The following PRORP variants were observed in gnomAD, a reference collection of about 807,000 sequenced individuals.
PRORP encodes the protein mitochondrial ribonuclease P catalytic subunit.
Under a neutral mutation model 59.4 loss-of-function variants are expected in PRORP, and 51 were observed. The observed-to-expected ratio is 0.86, with a 90% CI of 0.69 to 1.08. The LOEUF is 1.08. PRORP is among the 50% of genes least tolerant of loss of function. The pLI is 0.00. For synonymous variants in PRORP, 231 were observed against 245.6 expected, an observed-to-expected ratio of 0.94 and a Z score of 0.55; for missense variants, 646 against 690.3, an observed-to-expected ratio of 0.94 and a Z score of 0.72.
intron 5 of PRORP, among the ~76,000 whole-genome samples, chr14:35,240,534 C>G (rs1210438989): frequency 6.6e-6 from 1 of 152,108 alleles, no homozygotes; most frequent in Non-Finnish European, 1.5e-5. Flanking sequence ...TGAAAAGAAC[C>G]AACATTTAGT....
At chr14:35,270,850 G>A (rs1010868828) in intron 7 of PRORP, among the ~76,000 whole-genome samples, 6 of 152,108 alleles carry the variant, frequency 3.9e-5, no homozygotes, top group African/African-American at 1.4e-4. Context: ...TTGGGAGGCC[G>A]AGGTGGGCAA....
chr14:35,169,988 C>T (rs7156139), intron 4 of PRORP, among the ~76,000 whole-genome samples: 1,878 of 152,290 alleles, frequency 0.012, 39 homozygotes, highest in African/African-American at 0.042. Flanking sequence ...CCTTTATCCA[C>T]ATCTTGAAGC....
At chr14:35,130,616 T>C (rs570938553) in intron 4 of PRORP, among the ~76,000 whole-genome samples, 1 of 151,804 alleles carries the variant, frequency 6.6e-6, no homozygotes, top group Non-Finnish European at 1.5e-5. Context: ...CCCAAGTAGC[T>C]AGGATTACAG....
At chr14:35,207,266 A>T (rs2049318625) in intron 5 of PRORP, among the ~76,000 whole-genome samples, 1 of 152,234 alleles carries the variant, frequency 6.6e-6, no homozygotes, top group Admixed American at 6.5e-5. Flanking sequence ...TACTCTCAAA[A>T]TTCAGTTCTT....
At chr14:35,250,588 A>G (rs1319894772) in intron 5 of PRORP, among the ~76,000 whole-genome samples, 1 of 152,182 alleles carries the variant, frequency 6.6e-6, no homozygotes, top group Non-Finnish European at 1.5e-5. Context: ...GGCTCAGATA[A>G]AGTGGAGCTT....
At chr14:35,129,218 A>AT (rs1341422570) in intron 4 of PRORP, among the ~76,000 whole-genome samples, 1 of 152,044 alleles carries the variant, frequency 6.6e-6, no homozygotes, top group Non-Finnish European at 1.5e-5. Context: ...CAAAAAAAAA[A>AT]GATGCATATT....
intron 5 of PRORP, chr14:35,262,973 C>T (rs1269941216): frequency 1.3e-6 from 2 of 1,598,768 alleles, no homozygotes; most frequent in East Asian, 2.2e-5. Flanking sequence ...ACAAGGATAT[C>T]AGGAAATTTT....
At chr14:35,262,705 G>A in intron 5 of PRORP, 1 of 820,190 alleles carries the variant, frequency 1.2e-6, no homozygotes, top group South Asian at 1.3e-5. Context: ...ATGATCAAGG[G>A]TGTTACACTG....
chr14:35,218,768 C>T (rs771577041), intron 5 of PRORP, among the ~76,000 whole-genome samples: 4 of 151,878 alleles, frequency 2.6e-5, no homozygotes, highest in South Asian at 2.1e-4. Flanking sequence ...TCAAGTGATC[C>T]GCCCACCTTC....
At chr14:35,178,759 A>T (rs371366843) in intron 4 of PRORP, among the ~76,000 whole-genome samples, 12 of 131,040 alleles carry the variant, frequency 9.2e-5, no homozygotes, top group African/African-American at 3.4e-4. Flanking sequence ...GGTTAATATT[A>T]TGTGTGAATT....
At chr14:35,196,586 A>G (rs1015224722) in intron 5 of PRORP, among the ~76,000 whole-genome samples, 1 of 152,206 alleles carries the variant, frequency 6.6e-6, no homozygotes, top group African/African-American at 2.4e-5. Context: ...GTCAAGGGTG[A>G]TATAAGTGAC....
intron 5 of PRORP, among the ~76,000 whole-genome samples, chr14:35,220,664 A>G (rs1310444626): frequency 1.3e-5 from 2 of 152,250 alleles, no homozygotes; most frequent in African/African-American, 4.8e-5. Flanking sequence ...AGCCATTCAG[A>G]TGAAGACAAC....
chr14:35,180,938 A>G (rs575103732), intron 5 of PRORP, among the ~76,000 whole-genome samples, 161 bp downstream of exon 5: 255 of 152,170 alleles, frequency 1.7e-3, no homozygotes, highest in African/African-American at 5.9e-3. Flanking sequence ...AAGATTTACT[A>G]TTTTCATCAC....
upstream of PRORP, chr14:35,121,847 C>T: frequency 1.9e-6 from 3 of 1,590,110 alleles, no homozygotes; most frequent in Non-Finnish European, 2.6e-6. Context: ...CTCCCCCCTA[C>T]CTCTAGGAGT....
intron 5 of PRORP, among the ~76,000 whole-genome samples, chr14:35,264,761 C>T (rs1279916488): frequency 1.3e-5 from 2 of 152,148 alleles, no homozygotes; most frequent in Non-Finnish European, 2.9e-5. Context: ...GGTTGGATCA[C>T]AAGGTCAGGA....
chr14:35,133,918 T>C (rs111397396), intron 4 of PRORP, among the ~76,000 whole-genome samples: 5 of 152,330 alleles, frequency 3.3e-5, no homozygotes, highest in African/African-American at 1.2e-4. Flanking sequence ...AGAACTGTGC[T>C]GGGCCAGACC....
In PRORP at chr14:35,169,900, A is replaced by T. The variant is rs55701201; in HGVS notation, c.1168-10770A>T. On this transcript the variant is annotated intron_variant, in intron 4 of 7. Transcript: ENST00000534898. The stretch of plus-strand genomic sequence containing the variant: ...CTGATTTTTATCTACTTGTTCAATC[A>T]ATTATGCAGAGAAGAGTGTTGAAAT... 9.9e-4 allele frequency among the ~76,000 whole-genome samples: 151 copies of T among 152,324 alleles called. 1 individual carries two copies. Among genetic ancestry groups the T allele is most frequent in the African/African-American group, 3.5e-3 (146 of 41,580 alleles).
At chr14:35,251,540 T>C (rs2050613547) in intron 5 of PRORP, among the ~76,000 whole-genome samples, 1 of 151,936 alleles carries the variant, frequency 6.6e-6, no homozygotes, top group East Asian at 1.9e-4. Context: ...GTAAATAATG[T>C]TGTTTATATT....
At chr14:35,159,263 G>A (rs902542317) in intron 4 of PRORP, among the ~76,000 whole-genome samples, 9 of 152,314 alleles carry the variant, frequency 5.9e-5, no homozygotes, top group African/African-American at 2.2e-4. Context: ...ACGTGCGTCA[G>A]CCAGTGCCAG....
Sources: allele counts gnomAD v4.1 joint callset (sites outside exome capture counted in the v4.1 genomes callset), GRCh38; gene constraint gnomAD v4.1.1; transcripts MANE v1.5; gene names NCBI Gene and HGNC (gene_info 2026-07-23, HGNC 2026-07-21).